Variants in CCDC178 observed in about 807,000 individuals in gnomAD.
The protein encoded by CCDC178 is coiled-coil domain-containing protein 178.
CCDC178 carries 126 observed loss-of-function variants against 117.4 expected under a neutral mutation model. That is an observed-to-expected ratio of 1.07 (90% CI 0.93 to 1.24). CCDC178 has a LOEUF of 1.24. Among genes scored for constraint, CCDC178 ranks in the 50% most tolerant of loss-of-function variants. The pLI is 0.00. For synonymous variants in CCDC178, 283 were observed against 313.4 expected (o/e 0.90, Z 1.02); for missense variants, 1,030 against 986.9 (o/e 1.04, Z -0.59).
At chr18:32,962,786 G>T (rs1286506321) in intron 22 of CCDC178, among the ~76,000 whole-genome samples, 1 of 151,732 alleles carries the variant, frequency 6.6e-6, no homozygotes, top group Non-Finnish European at 1.5e-5. Flanking sequence ...CACCAAAATG[G>T]CCATATTATT....
intron 22 of CCDC178, among the ~76,000 whole-genome samples, chr18:32,938,578 T>C (rs181898795): frequency 4.6e-5 from 7 of 152,240 alleles, no homozygotes; most frequent in Admixed American, 1.3e-4. Context: ...CTCATGGAGT[T>C]TGCATTGTAA....
intron 9 of CCDC178, among the ~76,000 whole-genome samples, chr18:33,337,972 C>T: frequency 6.6e-6 from 1 of 152,046 alleles, no homozygotes; most frequent in East Asian, 1.9e-4. Flanking sequence ...TAACAGGCAA[C>T]CCACAGAGTG....
chr18:33,432,455 A>G (rs2064232834), intron 2 of CCDC178, among the ~76,000 whole-genome samples: 1 of 148,792 alleles, frequency 6.7e-6, no homozygotes, highest in Admixed American at 6.9e-5. Flanking sequence ...AATTTTTAAT[A>G]TAATTCTCTC....
chr18:32,980,540 C>A (rs1174807055), intron 21 of CCDC178, among the ~76,000 whole-genome samples: 1 of 144,478 alleles, frequency 6.9e-6, no homozygotes. Context: ...CACAGCACTC[C>A]CGCCTGGGCG....
chr18:33,062,453 T>C (rs1769286734), intron 21 of CCDC178, among the ~76,000 whole-genome samples: 2 of 152,062 alleles, frequency 1.3e-5, no homozygotes, highest in African/African-American at 4.8e-5. Flanking sequence ...GACACTAAAA[T>C]TCAGCATGCA....
chr18:32,988,487 A>C (rs1347747785), intron 21 of CCDC178, among the ~76,000 whole-genome samples: 3 of 152,170 alleles, frequency 2.0e-5, no homozygotes, highest in Non-Finnish European at 4.4e-5. Context: ...ATTGCTAAAT[A>C]AATAAATTTC....
chr18:33,051,834 G>A (rs927731098), intron 21 of CCDC178, among the ~76,000 whole-genome samples: 5 of 152,130 alleles, frequency 3.3e-5, no homozygotes, highest in Admixed American at 2.0e-4. Flanking sequence ...GGTGAGGCAC[G>A]AGCATTTTTA....
chr18:33,064,528 C>T (rs922428882), intron 21 of CCDC178, among the ~76,000 whole-genome samples: 4 of 152,214 alleles, frequency 2.6e-5, no homozygotes, highest in African/African-American at 4.8e-5. Flanking sequence ...GATATCCCCT[C>T]ATTCCAGTTA....
At chr18:33,337,193 G>T (rs2062752462) in intron 9 of CCDC178, among the ~76,000 whole-genome samples, 1 of 148,106 alleles carries the variant, frequency 6.8e-6, no homozygotes, top group African/African-American at 2.5e-5. Context: ...TTCTCAGTTT[G>T]GATGCTGTTG....
At chr18:33,183,336 A>AC (rs984857062) in intron 20 of CCDC178, among the ~76,000 whole-genome samples, 30 of 151,006 alleles carry the variant, frequency 2.0e-4, no homozygotes, top group African/African-American at 6.8e-4. Flanking sequence ...CTTGTTTTGA[A>AC]CTAATGTATT....
At chr18:33,430,712 T>C (rs2064201691) in intron 2 of CCDC178, among the ~76,000 whole-genome samples, 1 of 152,182 alleles carries the variant, frequency 6.6e-6, no homozygotes, top group Non-Finnish European at 1.5e-5. Flanking sequence ...CACTGTGATG[T>C]TGGACTTTTG....
chr18:33,418,257 T>A (rs2063973489), intron 2 of CCDC178, among the ~76,000 whole-genome samples: 1 of 152,198 alleles, frequency 6.6e-6, no homozygotes, highest in Non-Finnish European at 1.5e-5. Context: ...TCTCAATAGA[T>A]GCAGAAAAGG....
At chr18:33,274,735 G>GA (rs1323721817) in intron 12 of CCDC178, among the ~76,000 whole-genome samples, 2 of 151,598 alleles carry the variant, frequency 1.3e-5, no homozygotes, top group Admixed American at 6.6e-5. Context: ...TTTTCAATGG[G>GA]AAAAAAATGA....
chr18:33,243,980 G>T (rs1198496085), intron 15 of CCDC178, among the ~76,000 whole-genome samples: 1 of 151,888 alleles, frequency 6.6e-6, no homozygotes, highest in African/African-American at 2.4e-5. Context: ...CATATGCCTT[G>T]TATTTTAATT....
intron 5 of CCDC178, among the ~76,000 whole-genome samples, chr18:33,389,193 A>G (rs2063532771): frequency 6.6e-6 from 1 of 152,174 alleles, no homozygotes; most frequent in South Asian, 2.1e-4. Flanking sequence ...TACACCCCCA[A>G]AAACATTTGT....
chr18:33,364,505 C>A (rs1395602752), intron 6 of CCDC178, among the ~76,000 whole-genome samples: 3 of 151,890 alleles, frequency 2.0e-5, no homozygotes, highest in Non-Finnish European at 4.4e-5. Flanking sequence ...ATAGGAGATA[C>A]ATCAGTATCT....
At chr18:33,362,400 A>G (rs545297679) in intron 6 of CCDC178, among the ~76,000 whole-genome samples, 1 of 151,892 alleles carries the variant, frequency 6.6e-6, no homozygotes, top group East Asian at 1.9e-4. Context: ...CACAGGTGGG[A>G]GTCGGGAAGA....
At chr18:33,210,947 T>C (rs1157470440) in intron 20 of CCDC178, among the ~76,000 whole-genome samples, 1 of 152,068 alleles carries the variant, frequency 6.6e-6, no homozygotes, top group Non-Finnish European at 1.5e-5. Context: ...TAAGAAGATA[T>C]GTTCTTTCAC....
At chr18:33,181,557 T>A (rs1160870229) in intron 20 of CCDC178, among the ~76,000 whole-genome samples, 6 of 152,062 alleles carry the variant, frequency 3.9e-5, no homozygotes, top group Non-Finnish European at 1.5e-5. Context: ...AAGAAAGGTG[T>A]TTTATAAAGT....
Sources: allele counts gnomAD v4.1 joint callset (sites outside exome capture counted in the v4.1 genomes callset), GRCh38; gene constraint gnomAD v4.1.1; transcripts MANE v1.5; gene names NCBI Gene and HGNC (gene_info 2026-07-23, HGNC 2026-07-21).